EXOC4: variants seen among roughly 807,000 people sequenced by gnomAD.
EXOC4 encodes the protein exocyst complex component 4.
Under a neutral mutation model 107.2 loss-of-function variants are expected in EXOC4, and 71 were observed. That is an observed-to-expected ratio of 0.66 (90% CI 0.55 to 0.81). The LOEUF is 0.81. EXOC4 is among the 30% of genes least tolerant of loss of function. EXOC4 has a pLI of 0.00. For synonymous variants in EXOC4, 456 were observed against 441.2 expected (o/e 1.03, Z -0.42); for missense variants, 1,108 against 1,189.6 (o/e 0.93, Z 1.01).
intron 9 of EXOC4, among the ~76,000 whole-genome samples, chr7:133,481,441 GTAAT>G (rs1799155225): frequency 6.6e-6 from 1 of 152,134 alleles, no homozygotes; most frequent in Admixed American, 6.6e-5. Context: ...ACTGGCCTGT[GTAAT>G]TAAATATTTA....
intron 9 of EXOC4, among the ~76,000 whole-genome samples, chr7:133,505,305 G>C (rs1036211041): frequency 6.6e-6 from 1 of 152,006 alleles, no homozygotes; most frequent in Admixed American, 6.6e-5. Flanking sequence ...TTTGTTTCCT[G>C]TGCCCTCCTG....
intron 10 of EXOC4, among the ~76,000 whole-genome samples, chr7:133,676,694 C>G (rs1168007387): frequency 6.6e-6 from 1 of 152,084 alleles, no homozygotes; most frequent in Admixed American, 6.6e-5. Context: ...GCATTCTTTT[C>G]TCTCTCTAAT....
chr7:133,380,736 CATTA>C (rs1796600610), intron 7 of EXOC4, among the ~76,000 whole-genome samples: 1 of 152,160 alleles, frequency 6.6e-6, no homozygotes, highest in African/African-American at 2.4e-5. Flanking sequence ...GTAGTCTCCA[CATTA>C]ATTATACACT....
intron 7 of EXOC4, among the ~76,000 whole-genome samples, chr7:133,407,602 C>T (rs1037048855): frequency 5.9e-5 from 9 of 152,034 alleles, no homozygotes; most frequent in Admixed American, 3.9e-4. Flanking sequence ...GGATAGCAAC[C>T]TTGGGTAAGA....
At chr7:133,334,906 G>A (rs936804794) in intron 5 of EXOC4, among the ~76,000 whole-genome samples, 5 of 152,090 alleles carry the variant, frequency 3.3e-5, no homozygotes, top group South Asian at 4.2e-4. Context: ...ACATGATCTC[G>A]TTCTTTTTCG....
intron 7 of EXOC4, among the ~76,000 whole-genome samples, chr7:133,424,169 G>A (rs901698372): frequency 4.6e-5 from 7 of 152,118 alleles, no homozygotes; most frequent in African/African-American, 1.4e-4. Flanking sequence ...ACCTGGTGGG[G>A]TCACCTTCCA....
intron 4 of EXOC4, among the ~76,000 whole-genome samples, chr7:133,308,040 T>C (rs544438395): frequency 1.1e-4 from 17 of 152,122 alleles, no homozygotes; most frequent in African/African-American, 3.6e-4. Context: ...GAAACCAAAA[T>C]GAAGTAGAGA....
chr7:133,858,517 T>C (rs1040426966), intron 11 of EXOC4, among the ~76,000 whole-genome samples: 1 of 152,130 alleles, frequency 6.6e-6, no homozygotes, highest in African/African-American at 2.4e-5. Flanking sequence ...GACAGCCTGG[T>C]TTTCAGGCTT....
chr7:133,868,816 A>G (rs1021291794), intron 11 of EXOC4, among the ~76,000 whole-genome samples: 1 of 152,102 alleles, frequency 6.6e-6, no homozygotes, highest in Non-Finnish European at 1.5e-5. Flanking sequence ...ATGTCTTGGG[A>G]AAAAATAATC....
chr7:133,622,564 G>A (rs1802359704), intron 9 of EXOC4, among the ~76,000 whole-genome samples: 1 of 152,030 alleles, frequency 6.6e-6, no homozygotes. Context: ...GCTTCAGTTG[G>A]ACCACTAAAT....
chr7:133,992,402 C>A (rs1794284457), intron 14 of EXOC4, among the ~76,000 whole-genome samples: 1 of 152,046 alleles, frequency 6.6e-6, no homozygotes, highest in African/African-American at 2.4e-5. Flanking sequence ...CCCGCCTCAG[C>A]CTCCTGAGTA....
At chr7:133,306,352 A>G (rs1794754226) in intron 4 of EXOC4, among the ~76,000 whole-genome samples, 1 of 152,204 alleles carries the variant, frequency 6.6e-6, no homozygotes. Flanking sequence ...ACATCTCAGA[A>G]GGAAGTAGAA....
intron 7 of EXOC4, among the ~76,000 whole-genome samples, chr7:133,443,347 T>TACCA (rs1363696966): frequency 6.6e-6 from 1 of 152,124 alleles, no homozygotes; most frequent in Non-Finnish European, 1.5e-5. Flanking sequence ...TGCCTCTTGG[T>TACCA]AAAGTCTCTT....
chr7:134,099,013 T>C, the EXOC4 span, among the ~76,000 whole-genome samples: 2 of 152,138 alleles, frequency 1.3e-5, no homozygotes, highest in Non-Finnish European at 2.9e-5. Context: ...AGATGGCATT[T>C]GGGCTTGGCC....
At position 133,288,986 on chromosome 7, in the gene EXOC4, TG is replaced by T; in HGVS notation, c.342del (p.Trp115GlyfsTer11). ...LHCKRDELRK[L>X]WIEGIEHKHV... is the part of the protein sequence containing the mutation. ...TGCAAACGGGATGAGCTTCGGAAAC[TG>T]TGGATTGAAGGAATTGAGCATAAGC... On this transcript the variant is annotated frameshift_variant, in exon 3 of 18. Coordinates refer to ENST00000253861, the MANE Select transcript of EXOC4 (RefSeq NM_021807.4). LOFTEE classifies it high-confidence loss of function. The T allele has an allele frequency of 6.2e-7, 1 of 1,614,138 alleles. No homozygotes were observed.
intron 7 of EXOC4, among the ~76,000 whole-genome samples, chr7:133,404,393 G>GCGCCC (rs1316412318): frequency 6.6e-6 from 1 of 152,046 alleles, no homozygotes; most frequent in African/African-American, 2.4e-5. Flanking sequence ...GTGAGCCACC[G>GCGCCC]CGCCCAGCCC....
intron 10 of EXOC4, among the ~76,000 whole-genome samples, chr7:133,802,386 G>T (rs1796965873): frequency 1.3e-5 from 2 of 152,178 alleles, no homozygotes; most frequent in Non-Finnish European, 2.9e-5. Flanking sequence ...TGACTTATAA[G>T]ACTTGGCATT....
intron 13 of EXOC4, among the ~76,000 whole-genome samples, chr7:133,919,898 A>G (rs1799900452): frequency 6.6e-6 from 1 of 152,188 alleles, no homozygotes; most frequent in African/African-American, 2.4e-5. Context: ...ATTTGAGTAA[A>G]TACCAAAGAA....
chr7:133,534,953 G>C (rs1800245721), intron 9 of EXOC4, among the ~76,000 whole-genome samples: 1 of 152,136 alleles, frequency 6.6e-6, no homozygotes, highest in African/African-American at 2.4e-5. Flanking sequence ...GTATAGATGT[G>C]TCAACAGATT....
Sources: allele counts gnomAD v4.1 joint callset (sites outside exome capture counted in the v4.1 genomes callset), GRCh38; gene constraint gnomAD v4.1.1; transcripts MANE v1.5; gene names NCBI Gene and HGNC (gene_info 2026-07-23, HGNC 2026-07-21).